MDN1: variants seen among roughly 807,000 people sequenced by gnomAD.
The protein encoded by MDN1 is midasin AAA ATPase 1.
In MDN1, 266 loss-of-function variants were observed where a neutral mutation model predicts 669.2. The ratio of observed to expected loss-of-function variants is 0.40; its 90% CI spans 0.36 to 0.44. The LOEUF is 0.44. Among genes scored for constraint, MDN1 ranks in the 20% least tolerant of loss-of-function variants. The pLI, the probability that MDN1 is intolerant of heterozygous loss-of-function variation, is 1.00. For synonymous variants in MDN1, 2,385 were observed against 2,457.1 expected (o/e 0.97, Z 0.87); for missense variants, 5,940 against 6,754.0 (o/e 0.88, Z 4.22).
At chr6:89,725,928 T>TAC (rs1554187190) in intron 37 of MDN1, among the ~76,000 whole-genome samples, 36 of 70,254 alleles carry the variant, frequency 5.1e-4, no homozygotes, top group African/African-American at 3.1e-3. Context: ...TCTGGTATTT[T>TAC]ATACACACAC....
rs747316999 is a variant in MDN1, at chr6:89,718,947, T to G, written c.6141A>C (p.Gln2047His). 1.2e-6 allele frequency: 2 copies of G among 1,613,636 alleles called. No homozygotes were observed. The highest frequency in any genetic ancestry group is 4.5e-5 in the East Asian group (2 of 44,834). Residue 2047 changes from glutamine to histidine, a missense_variant, in exon 42 of 102, where the codon CAA (glutamine) becomes CAC (histidine). Physicochemically the swap from Gln to His is conservative, Grantham distance 24. This residue lies in a region of MDN1 where 2,292 missense variants were observed against 2,638.3 expected (regional missense o/e 0.87). Transcript: ENST00000369393. ...HPLLLLHQSF[Q>H]PLESIMKCVQ... ...CACACTTCATGATTGACTCCAGGGG[T>G]TGGAATGACTGGTGCAGGAGCAACA...
At chr6:89,767,717 T>C (rs778655195) in intron 15 of MDN1, among the ~76,000 whole-genome samples, 2 of 151,992 alleles carry the variant, frequency 1.3e-5, no homozygotes, top group Admixed American at 6.6e-5. Context: ...GATCATGCCA[T>C]TGCACTCCAG....
intron 62 of MDN1, 47 bp from the exon 63 acceptor site, chr6:89,693,195 A>G (rs776276012): frequency 3.4e-5 from 46 of 1,370,142 alleles, no homozygotes; most frequent in Non-Finnish European, 4.4e-5. Flanking sequence ...GAAGAAGAGC[A>G]GCAAATCTAG....
chr6:89,686,965 G>GCTTGGTGGATTT lies in MDN1; in HGVS notation c.11497_11508dup (p.Lys3833_Lys3836dup). 1 of 1,613,864 alleles carries GCTTGGTGGATTT rather than the reference G, an allele frequency of 6.2e-7. No homozygotes were observed. The highest frequency in any genetic ancestry group is 8.5e-7 in the Non-Finnish European group (1 of 1,179,980). ...AGCATCTGATAGATGGAGAACCAGT[G>GCTTGGTGGATTT]CTTGGTGGATTTCTCGGTGTGGCGC... On this transcript the variant is annotated inframe_insertion, in exon 69 of 102. Coordinates refer to ENST00000369393, the MANE Select transcript of MDN1 (RefSeq NM_014611.3).
intron 65 of MDN1, among the ~76,000 whole-genome samples, chr6:89,689,115 G>C (rs1172437315): frequency 2.6e-5 from 4 of 152,214 alleles, no homozygotes; most frequent in Non-Finnish European, 4.4e-5. Context: ...GCAGTGAGCT[G>C]AGATTGTGCC....
chr6:89,770,098 CCAAAAAAA>C (rs1818004513), intron 15 of MDN1, among the ~76,000 whole-genome samples: 1 of 150,384 alleles, frequency 6.6e-6, no homozygotes, highest in South Asian at 2.1e-4. Flanking sequence ...ATCCTGCCTC[CCAAAAAAA>C]CAAAAAAAGA....
intron 1 of MDN1, among the ~76,000 whole-genome samples, chr6:89,813,148 C>T (rs1244199959): frequency 6.6e-6 from 1 of 152,162 alleles, no homozygotes; most frequent in African/African-American, 2.4e-5. Context: ...CCATGTTGGT[C>T]AGGCTGGTCT....
chr6:89,769,627 C>G (rs946864890), intron 15 of MDN1, among the ~76,000 whole-genome samples: 6 of 152,138 alleles, frequency 3.9e-5, no homozygotes, highest in African/African-American at 1.2e-4. Flanking sequence ...ATGTAAGTAG[C>G]GTTTTCTTTT....
chr6:89,680,342 G>A (rs1387583480), intron 74 of MDN1, among the ~76,000 whole-genome samples: 1 of 152,204 alleles, frequency 6.6e-6, no homozygotes, highest in African/African-American at 2.4e-5. Flanking sequence ...GTATAGACAA[G>A]GCTCTCATAA....
intron 90 of MDN1, among the ~76,000 whole-genome samples, chr6:89,657,857 A>C (rs1809433260): frequency 6.6e-6 from 1 of 152,194 alleles, no homozygotes; most frequent in Non-Finnish European, 1.5e-5. Flanking sequence ...AAATACTTAC[A>C]TTGTGTTACA....
intron 1 of MDN1, chr6:89,815,030 G>C (rs1160436334): frequency 1.8e-6 from 1 of 555,678 alleles, no homozygotes; most frequent in Non-Finnish European, 3.1e-6. Flanking sequence ...GTGAAGGCCA[G>C]GAGGAGGAAG....
chr6:89,730,638 T>C, intron 35 of MDN1, 88 bp downstream of exon 35: 1 of 967,710 alleles, frequency 1.0e-6, no homozygotes, highest in East Asian at 2.4e-5. Context: ...TAATCATGAG[T>C]ATTACACATT....
At chr6:89,778,538 C>T (rs1818466626) in intron 11 of MDN1, among the ~76,000 whole-genome samples, 1 of 151,842 alleles carries the variant, frequency 6.6e-6, no homozygotes, top group Non-Finnish European at 1.5e-5. Context: ...GGATTGATTC[C>T]AGGACCTCTC....
chr6:89,796,324 C>CAAAAAAAAAAA lies in MDN1; in HGVS notation c.330-1534_330-1524dup, dbSNP rs35169575. Among the ~76,000 whole-genome samples the CAAAAAAAAAAA allele has an allele frequency of 1.5e-3, 66 of 45,368 alleles. 1 individual carries two copies. Among genetic ancestry groups the CAAAAAAAAAAA allele is most frequent in the African/African-American group, 1.9e-3 (13 of 6,834 alleles). 29.8% of individuals were successfully genotyped at this position (45,368 alleles called of 152,430 possible). ...GGGCGACAAGAGCAAAACTCTGTCTCAAAAAAAAAAAAAAAAAAAAAAAAA... is the reference window on the plus strand; with the variant it reads ...GGGCGACAAGAGCAAAACTCTGTCTCAAAAAAAAAAAAAAAAAAAAAAAAAAAAAAAAAAAA... On this transcript the variant is annotated intron_variant, in intron 2 of 101. Coordinates refer to ENST00000369393, the MANE Select transcript of MDN1 (RefSeq NM_014611.3).
Position 89,648,306 on chromosome 6 carries a change from C to T in MDN1, c.16230G>A (p.Val5410=), listed in dbSNP as rs1426537695. The stretch of plus-strand genomic sequence containing the variant: ...CCAGGAGGGTTAGAGCATTTCCAAT[C>T]ACAGCCAAAGATTCAAATGCAAGCT... The part of the protein sequence containing the change: ...TKQLAFESLA[V]IGNALTLLEV... Residue 5410 remains valine, a synonymous_variant, in exon 98 of 102, where the codon GTG becomes GTA. Transcript: ENST00000369393. 1.5e-5 allele frequency: 24 copies of T among 1,614,028 alleles called. No individual in the cohort carries two copies. Among genetic ancestry groups the T allele is most frequent in the Non-Finnish European group, 2.0e-5 (24 of 1,180,008 alleles).
chr6:89,658,922 A>G lies in MDN1; in HGVS notation c.14714-5T>C. On this transcript the variant is annotated splice_region_variant and splice_polypyrimidine_tract_variant and intron_variant, in intron 88 of 101. Transcript: ENST00000369393. ...TTATCTCCAAAGGATTCTCTTCTGT[A>G]TAGATACAACAAAAAGGAGGAGTGC... 3.8e-6 allele frequency: 6 copies of G among 1,586,102 alleles called. No individual in the cohort carries two copies. The highest frequency in any genetic ancestry group is 5.1e-6 in the Non-Finnish European group (6 of 1,167,536).
intron 83 of MDN1, 88 bp downstream of exon 83, chr6:89,670,831 A>G (rs1036873459): frequency 4.9e-6 from 7 of 1,425,108 alleles, no homozygotes; most frequent in Non-Finnish European, 6.7e-6. Context: ...TGGTGGTCCA[A>G]AATAAAAGCC....
At position 89,673,311 on chromosome 6, in the gene MDN1, T is replaced by C; in HGVS notation, c.13399A>G (p.Arg4467Gly). Residue 4467 changes from arginine (R) to glycine (G), a missense_variant, in exon 80 of 102, where the codon AGA becomes GGA. Around this residue, in one of 5 missense-constraint regions of MDN1, gnomAD observed 2,280 missense variants for 2,576.3 expected, o/e 0.88. Coordinates refer to ENST00000369393, the MANE Select transcript of MDN1 (RefSeq NM_014611.3). ...MALVESLEYV[R>G]GEISKAMADF... Reference sequence around the variant, plus strand: ...GCCATGGCTTTACTAATTTCTCCTCTTACATATTCCAGACTTTCAACTAGT... The same window carrying C: ...GCCATGGCTTTACTAATTTCTCCTCCTACATATTCCAGACTTTCAACTAGT... 1 of 1,614,178 alleles carries C rather than the reference T, an allele frequency of 6.2e-7. No individual in the cohort carries two copies. The highest frequency in any genetic ancestry group is 8.5e-7 in the Non-Finnish European group (1 of 1,180,022).
At chr6:89,817,154 G>T (rs1026116693) in intron 1 of MDN1, among the ~76,000 whole-genome samples, 7 of 152,158 alleles carry the variant, frequency 4.6e-5, no homozygotes, top group Admixed American at 4.6e-4. Context: ...TACATGTACT[G>T]AGTGATGGCT....
Sources: gnomAD v4.1 joint callset for allele counts (sites outside exome capture counted in the v4.1 genomes callset) on GRCh38, gnomAD v4.1.1 for gene constraint, gnomAD v4.1.1 regional missense constraint, MANE v1.5 for transcripts, NCBI Gene and HGNC (gene_info 2026-07-23, HGNC 2026-07-21) for gene names.